LDB2: variants seen among roughly 807,000 people sequenced by gnomAD.
The protein encoded by LDB2 is LIM domain-binding protein 2.
LDB2 carries 12 observed loss-of-function variants against 44.3 expected under a neutral mutation model. That is an observed-to-expected ratio of 0.27 (90% confidence interval 0.17 to 0.44). LDB2 has a LOEUF of 0.44. LDB2 is among the 20% of genes least tolerant of loss of function. The pLI is 1.00. For missense variants in LDB2, 344 were observed against 473.5 expected (o/e 0.73, Z 2.54); for synonymous variants, 164 against 174.8 (o/e 0.94, Z 0.49).
At chr4:16,638,953 TAA>T (rs778019742) in intron 2 of LDB2, among the ~76,000 whole-genome samples, 19 of 152,182 alleles carry the variant, frequency 1.2e-4, no homozygotes, top group Admixed American at 2.6e-4. Flanking sequence ...AATTAAATAT[TAA>T]GAGGGAAATT....
At chr4:16,694,017 T>C (rs1346058734) in intron 2 of LDB2, among the ~76,000 whole-genome samples, 2 of 152,190 alleles carry the variant, frequency 1.3e-5, no homozygotes, top group African/African-American at 4.8e-5. Context: ...GTTGATCTCA[T>C]GATAGCACTG....
At chr4:16,892,441 A>G (rs2110527116) in intron 1 of LDB2, among the ~76,000 whole-genome samples, 1 of 152,348 alleles carries the variant, frequency 6.6e-6, no homozygotes, top group African/African-American at 2.4e-5. Flanking sequence ...TTGATTTTTA[A>G]AAATTTAAAA....
chr4:16,507,172 T>G (rs991216844), intron 7 of LDB2: 2 of 152,208 alleles, frequency 1.3e-5, no homozygotes, highest in Non-Finnish European at 2.9e-5. Context: ...CTGGAGACTA[T>G]TTTCATTATT....
At chr4:16,618,521 A>G (rs1254225627) in intron 2 of LDB2, among the ~76,000 whole-genome samples, 1 of 152,180 alleles carries the variant, frequency 6.6e-6, no homozygotes, top group Non-Finnish European at 1.5e-5. Context: ...GTATGTGTGT[A>G]TATACACATA....
At chr4:16,697,272 C>T (rs868842746) in intron 2 of LDB2, among the ~76,000 whole-genome samples, 40 of 138,524 alleles carry the variant, frequency 2.9e-4, no homozygotes, top group Admixed American at 3.6e-4. Context: ...AAAATACACA[C>T]ACACACACAC....
chr4:16,612,351 A>G (rs1725894357), intron 2 of LDB2, among the ~76,000 whole-genome samples: 1 of 152,182 alleles, frequency 6.6e-6, no homozygotes, highest in Non-Finnish European at 1.5e-5. Context: ...AGAAGACAAG[A>G]AATAACTAAG....
At chr4:16,622,284 AG>A (rs1729107849) in intron 2 of LDB2, among the ~76,000 whole-genome samples, 2 of 152,254 alleles carry the variant, frequency 1.3e-5, no homozygotes, top group African/African-American at 4.8e-5. Flanking sequence ...GAACAAATAA[AG>A]AGAAAAACAA....
chr4:16,618,818 G>A (rs1324441691), intron 2 of LDB2, among the ~76,000 whole-genome samples: 1 of 152,142 alleles, frequency 6.6e-6, no homozygotes, highest in African/African-American at 2.4e-5. Flanking sequence ...GGGGCCTGGT[G>A]GGAGGTAAAG....
chr4:16,808,613 A>G (rs1779220276), intron 1 of LDB2, among the ~76,000 whole-genome samples: 1 of 152,192 alleles, frequency 6.6e-6, no homozygotes, highest in Non-Finnish European at 1.5e-5. Flanking sequence ...TTGATTTAGC[A>G]GCTTACTTTT....
chr4:16,625,811 T>C (rs908336953), intron 2 of LDB2, among the ~76,000 whole-genome samples: 5 of 152,204 alleles, frequency 3.3e-5, no homozygotes, highest in African/African-American at 1.2e-4. Context: ...TTCATCATCA[T>C]TGTAAAGAGT....
intron 5 of LDB2, among the ~76,000 whole-genome samples, chr4:16,552,758 G>T (rs562243617): frequency 3.9e-5 from 6 of 152,278 alleles, no homozygotes; most frequent in African/African-American, 1.4e-4. Flanking sequence ...GATCCATAAA[G>T]ATTTCTTCAA....
chr4:16,562,115 C>G (rs1241466357), intron 5 of LDB2, among the ~76,000 whole-genome samples: 1 of 152,188 alleles, frequency 6.6e-6, no homozygotes, highest in African/African-American at 2.4e-5. Flanking sequence ...CCATAAAAAC[C>G]CTAGAAGAAA....
chr4:16,822,613 G>A (rs1782307376), intron 1 of LDB2, among the ~76,000 whole-genome samples: 2 of 151,964 alleles, frequency 1.3e-5, no homozygotes, highest in Non-Finnish European at 2.9e-5. Flanking sequence ...CTGCCTCCTG[G>A]TGTGATTCTC....
At chr4:16,760,718 A>G (rs1767716205) in intron 1 of LDB2, among the ~76,000 whole-genome samples, 2 of 152,222 alleles carry the variant, frequency 1.3e-5, no homozygotes, top group Non-Finnish European at 2.9e-5. Context: ...CTAAACAGGC[A>G]GCTTCACTCC....
At chr4:16,504,308 C>T (rs969257664) in intron 7 of LDB2, among the ~76,000 whole-genome samples, 18 of 152,304 alleles carry the variant, frequency 1.2e-4, no homozygotes, top group African/African-American at 4.1e-4. Flanking sequence ...ACCCCCTAGT[C>T]TTTTACAATG....
chr4:16,778,162 C>G (rs528963534), intron 1 of LDB2, among the ~76,000 whole-genome samples: 1 of 152,176 alleles, frequency 6.6e-6, no homozygotes. Flanking sequence ...CTTCTCCATG[C>G]ATGAATGCTT....
chr4:16,862,805 C>G (rs1266216841), intron 1 of LDB2, among the ~76,000 whole-genome samples: 1 of 152,026 alleles, frequency 6.6e-6, no homozygotes, highest in Non-Finnish European at 1.5e-5. Flanking sequence ...TTAAACCAAA[C>G]GATAAGAGAG....
chr4:16,609,408 T>C (rs577245659), intron 2 of LDB2, among the ~76,000 whole-genome samples: 31 of 149,666 alleles, frequency 2.1e-4, no homozygotes, highest in Admixed American at 1.8e-3. Context: ...TTGAGCTCCT[T>C]GGGGGAGGGG....
At chr4:16,838,140 T>C (rs1292818144) in intron 1 of LDB2, among the ~76,000 whole-genome samples, 1 of 152,214 alleles carries the variant, frequency 6.6e-6, no homozygotes, top group Admixed American at 6.5e-5. Context: ...TTTAGGCATC[T>C]TCTTGAGCCA....
Sources: gnomAD v4.1 joint callset for allele counts (sites outside exome capture counted in the v4.1 genomes callset) on GRCh38, gnomAD v4.1.1 for gene constraint, MANE v1.5 for transcripts, NCBI Gene and HGNC (gene_info 2026-07-23, HGNC 2026-07-21) for gene names.